CADPS: variants seen among roughly 807,000 people sequenced by gnomAD.
The protein encoded by CADPS is calcium dependent secretion activator, also known as calcium-dependent secretion activator 1.
CADPS carries 57 observed loss-of-function variants against 167.3 expected under a neutral mutation model. The observed-to-expected ratio is 0.34, with a 90% CI of 0.28 to 0.42. CADPS has a LOEUF of 0.42. CADPS is among the 20% of genes least tolerant of loss of function. The pLI, the probability that CADPS is intolerant of heterozygous loss-of-function variation, is 1.00. For missense variants in CADPS, 1,414 were observed against 1,738.1 expected (o/e 0.81, Z 3.32); for synonymous variants, 676 against 635.3 (o/e 1.06, Z -0.96).
chr3:62,862,335 A>T (rs1414233104), intron 1 of CADPS, among the ~76,000 whole-genome samples: 2 of 151,104 alleles, frequency 1.3e-5, no homozygotes, highest in African/African-American at 4.9e-5. Context: ...TTCTGCCTCA[A>T]CTTCCCGAGT....
At chr3:62,599,841 TA>T in intron 6 of CADPS, among the ~76,000 whole-genome samples, 2 of 1,828 alleles carry the variant, frequency 1.1e-3, no homozygotes, top group East Asian at 0.14. Context: ...TATAATATAT[TA>T]TATATATATA....
At chr3:62,857,358 A>G (rs2079911377) in intron 1 of CADPS, among the ~76,000 whole-genome samples, 2 of 152,238 alleles carry the variant, frequency 1.3e-5, no homozygotes, top group Admixed American at 1.3e-4. Flanking sequence ...AATTGGTAAC[A>G]GCATTTTAAA....
chr3:62,469,691 G>C, intron 24 of CADPS: 2 of 180,368 alleles, frequency 1.1e-5, no homozygotes, highest in East Asian at 3.7e-4. Flanking sequence ...TGTATTTTTA[G>C]TAGAAACAGG....
At chr3:62,799,394 C>T (rs2093633062) in intron 1 of CADPS, among the ~76,000 whole-genome samples, 5 of 152,114 alleles carry the variant, frequency 3.3e-5, no homozygotes, top group African/African-American at 7.2e-5. Context: ...CCTACTTGCT[C>T]AACAAGTTCA....
At chr3:62,487,509 T>A (rs1187441177) in intron 21 of CADPS, among the ~76,000 whole-genome samples, 1 of 152,214 alleles carries the variant, frequency 6.6e-6, no homozygotes, top group Middle Eastern at 3.2e-3. Flanking sequence ...GGGACTGTCT[T>A]TGAGAAGCTG....
intron 3 of CADPS, among the ~76,000 whole-genome samples, chr3:62,702,485 T>G (rs2081571355): frequency 6.6e-6 from 1 of 151,996 alleles, no homozygotes; most frequent in Admixed American, 6.6e-5. Context: ...GAAGACCAGT[T>G]GAGCAGTATC....
chr3:62,814,225 T>C (rs2094511489), intron 1 of CADPS, among the ~76,000 whole-genome samples: 1 of 152,146 alleles, frequency 6.6e-6, no homozygotes, highest in South Asian at 2.1e-4. Flanking sequence ...AAAGGTGATG[T>C]GAAGATCTAA....
chr3:62,525,283 C>T (rs1369801526), intron 13 of CADPS, among the ~76,000 whole-genome samples: 1 of 151,982 alleles, frequency 6.6e-6, no homozygotes, highest in Non-Finnish European at 1.5e-5. Flanking sequence ...AAACAAGTTC[C>T]AAAGTGAATT....
chr3:62,728,617 A>G (rs1393977231), intron 3 of CADPS, among the ~76,000 whole-genome samples: 1 of 151,902 alleles, frequency 6.6e-6, no homozygotes, highest in African/African-American at 2.4e-5. Flanking sequence ...TCATTTCCAA[A>G]TGTAAATGTT....
intron 1 of CADPS, among the ~76,000 whole-genome samples, chr3:62,827,599 G>A (rs1401530389): frequency 6.6e-6 from 1 of 150,586 alleles, no homozygotes; most frequent in Admixed American, 6.6e-5. Context: ...GATTTTCCAA[G>A]CCTAGATTTC....
chr3:62,597,209 G>C (rs1003666293), intron 6 of CADPS, among the ~76,000 whole-genome samples: 10 of 152,066 alleles, frequency 6.6e-5, no homozygotes, highest in Non-Finnish European at 8.8e-5. Context: ...AGCTGCATAT[G>C]GTGGTGCATG....
At chr3:62,481,287 G>T (rs1370868862) in intron 22 of CADPS, among the ~76,000 whole-genome samples, 1 of 152,110 alleles carries the variant, frequency 6.6e-6, no homozygotes, top group African/African-American at 2.4e-5. Context: ...CATTCTCTAG[G>T]AATTTTTTAT....
At chr3:62,672,416 C>T (rs754299517) in intron 3 of CADPS, among the ~76,000 whole-genome samples, 8 of 152,188 alleles carry the variant, frequency 5.3e-5, no homozygotes, top group Admixed American at 3.9e-4. Context: ...CTGTCAATAA[C>T]GTTCCACTTC....
At chr3:62,773,319 T>G (rs1407225634) in intron 1 of CADPS, among the ~76,000 whole-genome samples, 3 of 152,158 alleles carry the variant, frequency 2.0e-5, no homozygotes, top group Non-Finnish European at 4.4e-5. Flanking sequence ...ACCTTTTATA[T>G]TATATATGTA....
intron 6 of CADPS, among the ~76,000 whole-genome samples, chr3:62,638,085 AT>A: frequency 3.6e-5 from 1 of 27,584 alleles, no homozygotes; most frequent in Middle Eastern, 0.017. Flanking sequence ...CATTATATAT[AT>A]ATATATATGT....
intron 3 of CADPS, among the ~76,000 whole-genome samples, chr3:62,735,656 T>A (rs1016478543): frequency 2.0e-5 from 3 of 152,212 alleles, no homozygotes; most frequent in Non-Finnish European, 2.9e-5. Flanking sequence ...CTCAGGTTTG[T>A]TGTAAAGAAA....
At chr3:62,581,228 T>C (rs1390930511) in intron 8 of CADPS, among the ~76,000 whole-genome samples, 1 of 152,184 alleles carries the variant, frequency 6.6e-6, no homozygotes, top group Non-Finnish European at 1.5e-5. Flanking sequence ...CCAAATCTGA[T>C]AGGCATTTGT....
chr3:62,414,583 T>C (rs2049641622), intron 28 of CADPS, among the ~76,000 whole-genome samples: 1 of 152,238 alleles, frequency 6.6e-6, no homozygotes, highest in African/African-American at 2.4e-5. Context: ...TCTCCAGGCT[T>C]GGGAGGATTA....
chr3:62,434,515 T>G (rs2054598900), intron 28 of CADPS, among the ~76,000 whole-genome samples: 1 of 152,158 alleles, frequency 6.6e-6, no homozygotes, highest in Non-Finnish European at 1.5e-5. Context: ...ATTTCTCCAA[T>G]AAACCTAGAG....
Sources: gnomAD v4.1 joint callset for allele counts (sites outside exome capture counted in the v4.1 genomes callset) on GRCh38, gnomAD v4.1.1 for gene constraint, MANE v1.5 for transcripts, NCBI Gene and HGNC (gene_info 2026-07-23, HGNC 2026-07-21) for gene names.